The following SEH1L variants were observed in gnomAD, a reference collection of about 807,000 sequenced individuals.
SEH1L encodes SEH1 like nucleoporin, also known as nucleoporin SEH1.
A neutral mutation model predicts 49.5 loss-of-function variants in SEH1L; 18 were observed. The ratio of observed to expected loss-of-function variants is 0.36; its 90% CI spans 0.25 to 0.54. The LOEUF is 0.54. Ranked by LOEUF, SEH1L falls within the 20% of genes least tolerant of loss-of-function variation. SEH1L has a pLI of 0.87. For missense variants in SEH1L, 404 were observed against 528.8 expected (o/e 0.76, Z 2.31); for synonymous variants, 169 against 178.1 (o/e 0.95, Z 0.41).
At chr18:12,973,824 T>C (rs1336703059) in intron 5 of SEH1L, 1 of 152,222 alleles carries the variant, frequency 6.6e-6, no homozygotes, top group Non-Finnish European at 1.5e-5. Flanking sequence ...TATTTTCCAC[T>C]TTTTTCTTGC....
chr18:12,978,669 T>TG (rs2032027128), intron 5 of SEH1L, 83 bp from the exon 6 acceptor site: 3 of 1,154,756 alleles, frequency 2.6e-6, no homozygotes, highest in South Asian at 1.4e-5. Flanking sequence ...GTGAGCAGTG[T>TG]GAAAAAAAGG....
intron 4 of SEH1L, among the ~76,000 whole-genome samples, chr18:12,969,710 C>T (rs1221902672): frequency 6.8e-6 from 1 of 146,730 alleles, no homozygotes; most frequent in Non-Finnish European, 1.5e-5. Context: ...AAATCAAAAC[C>T]AAGTATTTGT....
At chr18:12,965,300 C>T (rs573374276) in intron 4 of SEH1L, among the ~76,000 whole-genome samples, 57 of 152,220 alleles carry the variant, frequency 3.7e-4, no homozygotes, top group Non-Finnish European at 6.2e-4. Flanking sequence ...GCATGAGCCA[C>T]CTCGCCCAGT....
intron 4 of SEH1L, among the ~76,000 whole-genome samples, chr18:12,969,208 CCCG>C (rs1388012678): frequency 4.7e-4 from 3 of 6,450 alleles, no homozygotes; most frequent in African/African-American, 9.1e-4. Flanking sequence ...AAACTCTGTA[CCCG>C]CCCCCCCCCC....
In SEH1L at chr18:12,980,878, C is replaced by T. The variant is rs1260848472; in HGVS notation, c.762-1640C>T. Among the ~76,000 whole-genome samples the T allele has an allele frequency of 6.5e-4, 95 of 147,050 alleles. 1 individual carries two copies. The highest frequency in any genetic ancestry group is 1.9e-3 in the African/African-American group (75 of 39,746). ...GGCTGGCCGGGCGGGGGGCTGACCC[C>T]CCCCACCTCCCTTCCGGACGGGGCG... On this transcript the variant is annotated intron_variant, in intron 6 of 8. Coordinates refer to ENST00000399892, the MANE Select transcript of SEH1L (RefSeq NM_001013437.2).
In SEH1L at chr18:12,953,454, T is replaced by C. The variant is rs146042185; in HGVS notation, c.162+1549T>C. On this transcript the variant is annotated intron_variant, in intron 2 of 8. Coordinates refer to ENST00000399892, the MANE Select transcript of SEH1L (RefSeq NM_001013437.2). ...CCAAAGTGGCTGTGCCCACCAGCCATGTGTGAGGTTCCAGTTTCTCTACAT... is the reference window on the plus strand; with the variant it reads ...CCAAAGTGGCTGTGCCCACCAGCCACGTGTGAGGTTCCAGTTTCTCTACAT... Among the ~76,000 whole-genome samples the C allele has an allele frequency of 5.9e-3, 901 of 152,352 alleles. 14 individuals carry two copies. Among genetic ancestry groups the C allele is most frequent in the African/African-American group, 0.02 (840 of 41,586 alleles).
intron 2 of SEH1L, among the ~76,000 whole-genome samples, chr18:12,952,183 G>C (rs190612488): frequency 7.6e-6 from 1 of 131,448 alleles, no homozygotes; most frequent in Non-Finnish European, 1.6e-5. Context: ...TTCATACATA[G>C]TTTTCTCTTA....
intron 5 of SEH1L, chr18:12,975,893 G>T (rs980302587): frequency 4.1e-6 from 4 of 985,456 alleles, no homozygotes; most frequent in Non-Finnish European, 3.6e-6. Context: ...GTGAGTCTTG[G>T]TTTCTGACCT....
chr18:12,961,088 G>T (rs1175532047), intron 3 of SEH1L, among the ~76,000 whole-genome samples: 1 of 152,196 alleles, frequency 6.6e-6, no homozygotes, highest in Non-Finnish European at 1.5e-5. Flanking sequence ...TTCTTCCCTT[G>T]GGGTGGGCAG....
intron 1 of SEH1L, among the ~76,000 whole-genome samples, chr18:12,951,380 A>G (rs1046260168): frequency 4.6e-5 from 7 of 152,042 alleles, no homozygotes; most frequent in African/African-American, 1.7e-4. Context: ...AGTGCTTGAC[A>G]CATTCAAGGT....
Position 12,986,982 on chromosome 18 carries a change from C to T in SEH1L, c.1191C>T (p.Asn397=), listed in dbSNP as rs779509661. The change falls in exon 9 of 9, where the codon AAC becomes AAT. Residue 397 remains asparagine (N), a synonymous_variant. Transcript: ENST00000399892. ...ACTCTTGCGATGCTGACACTGCCAA[C>T]CTCCAGTATCCTCACCCTCGCAGAC... is the stretch of plus-strand genomic sequence containing the variant. ...VEHSCDADTA[N]LQYPHPRRRY... 1.2e-6 allele frequency: 2 copies of T among 1,613,982 alleles called. No individual in the cohort carries two copies. The highest frequency in any genetic ancestry group is 2.2e-5 in the South Asian group (2 of 91,078).
At chr18:12,981,504 C>G (rs2032258637) in intron 6 of SEH1L, among the ~76,000 whole-genome samples, 1 of 152,230 alleles carries the variant, frequency 6.6e-6, no homozygotes, top group Non-Finnish European at 1.5e-5. Context: ...GAGCTGGAGA[C>G]CAGCCCGGCC....
At chr18:12,970,557 C>G (rs2031654279) in intron 4 of SEH1L, among the ~76,000 whole-genome samples, 1 of 152,172 alleles carries the variant, frequency 6.6e-6, no homozygotes, top group African/African-American at 2.4e-5. Context: ...GTAGCTGAGA[C>G]AAACGGCACA....
At chr18:12,980,372 T>C (rs2032156788) in intron 6 of SEH1L, among the ~76,000 whole-genome samples, 2 of 112,008 alleles carry the variant, frequency 1.8e-5, no homozygotes, top group African/African-American at 3.4e-5. Flanking sequence ...GGCGGGGGGC[T>C]GACCCCCCCA....
chr18:12,982,441 A>G lies in SEH1L; in HGVS notation c.762-77A>G, dbSNP rs529105812. 8.2e-6 allele frequency: 8 copies of G among 974,632 alleles called. 1 individual carries two copies. Among genetic ancestry groups the G allele is most frequent in the Middle Eastern group, 2.3e-4 (1 of 4,390 alleles). The allele number at this position is 974,632 out of a possible 1,614,324, so 60.4% of individuals were successfully genotyped here. On this transcript the variant is annotated intron_variant, in intron 6 of 8. Coordinates refer to ENST00000399892, the MANE Select transcript of SEH1L (RefSeq NM_001013437.2). ...TATTAATTTAGAATTTTACGTGTGT[A>G]TATATATATGTGTGTGTATATATAT...
chr18:12,976,055 T>C (rs566549806), intron 5 of SEH1L: 1 of 166,028 alleles, frequency 6.0e-6, no homozygotes, highest in Non-Finnish European at 1.2e-5. Flanking sequence ...CTGAGATTAG[T>C]TGTCTATTGC....
At chr18:12,981,602 GA>G (rs1357355818) in intron 6 of SEH1L, among the ~76,000 whole-genome samples, 1 of 152,114 alleles carries the variant, frequency 6.6e-6, no homozygotes, top group African/African-American at 2.4e-5. Context: ...TGTCTTTTTG[GA>G]AAGGGGAATT....
chr18:12,966,561 T>A (rs8096596), intron 4 of SEH1L, among the ~76,000 whole-genome samples: 53,409 of 151,904 alleles, frequency 0.35, 11,967 homozygotes, highest in East Asian at 0.62. Context: ...CACCATGCCT[T>A]GCTAATTTTT....
intron 1 of SEH1L, among the ~76,000 whole-genome samples, chr18:12,951,504 C>T (rs1214773360): frequency 1.3e-5 from 2 of 152,214 alleles, no homozygotes; most frequent in Non-Finnish European, 2.9e-5. Flanking sequence ...GATTGTCTTG[C>T]CTCAGCCTCC....
Sources: gnomAD v4.1 joint callset for allele counts (sites outside exome capture counted in the v4.1 genomes callset) on GRCh38, gnomAD v4.1.1 for gene constraint, MANE v1.5 for transcripts, NCBI Gene and HGNC (gene_info 2026-07-23, HGNC 2026-07-21) for gene names.